The following SPATA6L variants were observed in gnomAD, a reference collection of about 807,000 sequenced individuals.
The protein encoded by SPATA6L is spermatogenesis associated 6 like, also known as spermatogenesis associated 6-like protein.
In SPATA6L, 68 loss-of-function variants were observed where a neutral mutation model predicts 49.2. That is an observed-to-expected ratio of 1.38 (90% confidence interval 1.14 to 1.69). The LOEUF is 1.69. Ranked by LOEUF, SPATA6L falls within the 40% of genes most tolerant of loss-of-function variation. SPATA6L has a pLI of 0.00. For missense variants in SPATA6L, 668 were observed against 464.3 expected, an observed-to-expected ratio of 1.44 and a Z score of -4.03; for synonymous variants, 198 against 165.7, an observed-to-expected ratio of 1.19 and a Z score of -1.50.
chr9:4,620,818 T>C lies in SPATA6L; in HGVS notation c.772+1590A>G, dbSNP rs1163277164. Among the ~76,000 whole-genome samples, 3 of 152,318 alleles carry C rather than the reference T, an allele frequency of 2.0e-5. No individual in the cohort carries two copies. In the South Asian group the frequency reaches 6.2e-4, roughly 32 times the overall value. On this transcript the variant is annotated intron_variant, in intron 7 of 11. Coordinates refer to ENST00000682582, the MANE Select transcript of SPATA6L (RefSeq NM_001353486.2). The stretch of plus-strand genomic sequence containing the variant: ...TAATAGAGCCTGCATTAAACCCAAC[T>C]TGTCCTCCCCAGGAAAGGACATTTG...
intron 8 of SPATA6L, among the ~76,000 whole-genome samples, chr9:4,618,397 G>A (rs946605510): frequency 3.3e-5 from 5 of 152,100 alleles, no homozygotes; most frequent in Non-Finnish European, 7.4e-5. Context: ...AGGGATTATT[G>A]GTCTGGGAAA....
At chr9:4,609,808 G>A (rs1036375367) in intron 9 of SPATA6L, among the ~76,000 whole-genome samples, 5 of 151,390 alleles carry the variant, frequency 3.3e-5, no homozygotes, top group African/African-American at 1.2e-4. Context: ...CAATTAGGCA[G>A]GAGAAGGAAA....
rs944556025 is a variant in SPATA6L, at chr9:4,662,077, G to C, written c.40-41C>G. 6.2e-7 allele frequency: 1 copy of C among 1,606,562 alleles called. No homozygotes were observed. Among genetic ancestry groups the C allele is most frequent in the South Asian group, 1.1e-5 (1 of 90,262 alleles). On this transcript the variant is annotated intron_variant, in intron 1 of 11. Coordinates refer to ENST00000682582, the MANE Select transcript of SPATA6L (RefSeq NM_001353486.2). The surrounding 1 kb of genome is among the most constrained non-coding windows in gnomAD (Gnocchi z 4.9). ...AACAACAAACAAGGGAGAGAAAACA[G>C]ACTTTGCTTTGTTTTGTTACACGGG...
At chr9:4,645,868 A>G (rs1835264533) in intron 3 of SPATA6L, among the ~76,000 whole-genome samples, 1 of 152,222 alleles carries the variant, frequency 6.6e-6, no homozygotes, top group East Asian at 1.9e-4. Context: ...TAATAAATAC[A>G]GAATTTCGTT....
intron 9 of SPATA6L, among the ~76,000 whole-genome samples, chr9:4,612,301 G>A (rs1460146200): frequency 6.6e-6 from 1 of 152,056 alleles, no homozygotes; most frequent in East Asian, 1.9e-4. Context: ...CCTACCACCA[G>A]GACTTTATCT....
chr9:4,646,426 G>C, intron 3 of SPATA6L: 1 of 1,256,136 alleles, frequency 8.0e-7, no homozygotes, highest in South Asian at 1.6e-5. Context: ...CATTTTGACA[G>C]GCCAAATTTA....
At chr9:4,650,651 G>T (rs1471249150) in intron 3 of SPATA6L, among the ~76,000 whole-genome samples, 1 of 152,228 alleles carries the variant, frequency 6.6e-6, no homozygotes, top group South Asian at 2.1e-4. Context: ...TGATTTTACA[G>T]AAATAATTTT....
intron 7 of SPATA6L, among the ~76,000 whole-genome samples, chr9:4,619,468 C>A (rs1197883944): frequency 1.3e-5 from 2 of 152,040 alleles, no homozygotes; most frequent in African/African-American, 4.8e-5. Context: ...TTTTCAATGA[C>A]AGCACATGTG....
At chr9:4,640,002 A>G (rs1216497476) in intron 3 of SPATA6L, among the ~76,000 whole-genome samples, 1 of 152,258 alleles carries the variant, frequency 6.6e-6, no homozygotes, top group Non-Finnish European at 1.5e-5. Context: ...TTCCTTGCTA[A>G]TGCCTATAAA....
intron 9 of SPATA6L, among the ~76,000 whole-genome samples, chr9:4,616,680 G>A (rs1587081448): frequency 6.6e-6 from 1 of 152,156 alleles, no homozygotes; most frequent in South Asian, 2.1e-4. Flanking sequence ...CCGCCTCCCG[G>A]GTTCAAGCAA....
intron 10 of SPATA6L, among the ~76,000 whole-genome samples, chr9:4,605,139 C>G (rs1008930242): frequency 6.6e-6 from 1 of 152,152 alleles, no homozygotes; most frequent in Non-Finnish European, 1.5e-5. Flanking sequence ...ACTGTCTCAT[C>G]CTCAGGAAGC....
At chr9:4,614,134 G>C (rs184773405) in intron 9 of SPATA6L, among the ~76,000 whole-genome samples, 1 of 152,274 alleles carries the variant, frequency 6.6e-6, no homozygotes, top group Non-Finnish European at 1.5e-5. Context: ...CTTCTCCATG[G>C]GATCTACCTT....
chr9:4,646,930 T>C (rs1465714779), intron 3 of SPATA6L, among the ~76,000 whole-genome samples: 1 of 151,704 alleles, frequency 6.6e-6, no homozygotes, highest in Non-Finnish European at 1.5e-5. Flanking sequence ...GGGTGAAGGG[T>C]GGGAGAAGAG....
intron 1 of SPATA6L, chr9:4,663,350 C>G (rs1328222870): frequency 2.9e-6 from 4 of 1,367,498 alleles, no homozygotes; most frequent in Non-Finnish European, 2.0e-6. Context: ...TCCCGCTTGT[C>G]CCTCTTAGGC....
intron 2 of SPATA6L, among the ~76,000 whole-genome samples, chr9:4,660,864 A>C (rs1425182353): frequency 6.6e-6 from 1 of 152,244 alleles, no homozygotes; most frequent in Admixed American, 6.5e-5. Flanking sequence ...AAAAAGGATG[A>C]GTTCGTGTCC....
chr9:4,624,389 A>T (rs904771036), intron 6 of SPATA6L, among the ~76,000 whole-genome samples: 3 of 152,154 alleles, frequency 2.0e-5, no homozygotes, highest in African/African-American at 7.2e-5. Flanking sequence ...CAATGGATAA[A>T]TTTTTTCTTG....
intron 9 of SPATA6L, among the ~76,000 whole-genome samples, chr9:4,605,941 C>A (rs58338727): frequency 1.3e-5 from 2 of 152,088 alleles, no homozygotes; most frequent in Non-Finnish European, 2.9e-5. Flanking sequence ...TGGGCGCAGG[C>A]CAGTGTGTGC....
At position 4,625,366 on chromosome 9, in the gene SPATA6L, T is replaced by C. The variant is rs1363496477; in HGVS notation, c.630A>G (p.Lys210=). 6.2e-6 allele frequency: 10 copies of C among 1,614,058 alleles called. No individual in the cohort carries two copies. Among genetic ancestry groups the C allele is most frequent in the Non-Finnish European group, 8.5e-6 (10 of 1,179,984 alleles). The change falls in exon 6 of 12, where the codon AAA becomes AAG. Residue 210 remains lysine (K), a synonymous_variant. Transcript: ENST00000682582. ...ATGGAGGCTTGCTTCCTCCAGAGAT[T>C]TTGAAATTATTTCCAAGGTTCAACT... ...PAQLNLGNNF[K]ISGGSKPPFV...
At chr9:4,594,481 G>T (rs558499615), downstream of SPATA6L, among the ~76,000 whole-genome samples, 135 of 152,264 alleles carry the variant, frequency 8.9e-4, 1 homozygote, top group Non-Finnish European at 1.7e-3. Context: ...CAAAGTGCTG[G>T]GATTACAGGT....
Sources: allele counts gnomAD v4.1 joint callset (sites outside exome capture counted in the v4.1 genomes callset), GRCh38; gene constraint gnomAD v4.1.1; non-coding constraint Gnocchi (gnomAD v3.1); transcripts MANE v1.5; gene names NCBI Gene and HGNC (gene_info 2026-07-23, HGNC 2026-07-21).